The following DNAH7 variants were observed in gnomAD, a reference collection of about 807,000 sequenced individuals.
The protein encoded by DNAH7 is dynein axonemal heavy chain 7, also known as axonemal beta dynein heavy chain 7.
DNAH7 carries 397 observed loss-of-function variants against 444.6 expected under a neutral mutation model. The ratio of observed to expected loss-of-function variants is 0.89; its 90% confidence interval spans 0.82 to 0.97. The LOEUF is 0.97. Ranked by LOEUF, DNAH7 falls within the 50% of genes least tolerant of loss-of-function variation. The pLI is 0.00. For missense variants in DNAH7, 4,902 were observed against 4,800.8 expected, an observed-to-expected ratio of 1.02 and a Z score of -0.62; for synonymous variants, 1,636 against 1,624.4, an observed-to-expected ratio of 1.01 and a Z score of -0.17.
intron 10 of DNAH7, among the ~76,000 whole-genome samples, chr2:196,007,548 G>T (rs1694451899): frequency 6.6e-6 from 1 of 152,120 alleles, no homozygotes; most frequent in Non-Finnish European, 1.5e-5. Flanking sequence ...ATATGGTTTG[G>T]CTGTGTCTCC....
chr2:195,837,006 T>G (rs1698410111), intron 47 of DNAH7, among the ~76,000 whole-genome samples: 2 of 152,240 alleles, frequency 1.3e-5, no homozygotes, highest in South Asian at 4.1e-4. Context: ...TGAACTTCTT[T>G]AGCAATTCAT....
intron 7 of DNAH7, among the ~76,000 whole-genome samples, chr2:196,024,853 C>T (rs1290172179): frequency 6.6e-6 from 1 of 151,764 alleles, no homozygotes; most frequent in African/African-American, 2.4e-5. Flanking sequence ...AGCAGTAGTT[C>T]TATTTCACCG....
chr2:196,007,270 C>A (rs1014904770), intron 10 of DNAH7, among the ~76,000 whole-genome samples: 1 of 152,054 alleles, frequency 6.6e-6, no homozygotes. Flanking sequence ...CAGAAATAAA[C>A]CCTCCCATAT....
intron 54 of DNAH7, among the ~76,000 whole-genome samples, chr2:195,801,634 C>T (rs1696463271): frequency 6.6e-6 from 1 of 152,144 alleles, no homozygotes; most frequent in Admixed American, 6.5e-5. Context: ...CAACTTGAAG[C>T]AAACTGCAGG....
At chr2:196,046,767 C>T (rs77705017) in intron 5 of DNAH7, among the ~76,000 whole-genome samples, 3 of 135,890 alleles carry the variant, frequency 2.2e-5, no homozygotes, top group Non-Finnish European at 4.7e-5. Flanking sequence ...TTACTTACCA[C>T]AATGGGTCAT....
rs780180906 is a variant in DNAH7 at position 195,845,185 on chromosome 2, A to T, written c.8782-20T>A. 1.4e-5 allele frequency: 23 copies of T among 1,592,172 alleles called. No homozygotes were observed. Among genetic ancestry groups the T allele is most frequent in the Non-Finnish European group, 9.4e-6 (11 of 1,169,268 alleles). ...TTGATTCTTTAGAACATCCACAGAA[A>T]GATAAAGAAATGAGACTGGAGGTTA... On this transcript the variant is annotated intron_variant, in intron 46 of 64. Transcript: ENST00000312428.
rs757343402 is a variant in DNAH7 at position 196,038,662 on chromosome 2, A to T, written c.398+8690T>A. 1.5e-3 allele frequency among the ~76,000 whole-genome samples: 222 copies of T among 152,316 alleles called. 2 individuals carry two copies. Among genetic ancestry groups the T allele is most frequent in the Non-Finnish European group, 2.3e-3 (154 of 68,008 alleles). On this transcript the variant is annotated intron_variant, in intron 5 of 64. Coordinates refer to ENST00000312428, the MANE Select transcript of DNAH7 (RefSeq NM_018897.3). ...GATATTCCATGCAAATGGGAACCAA[A>T]AACAGGTTTAGAATTTGCATGGTAT...
At chr2:195,936,325 G>A (rs769580261) in intron 20 of DNAH7, among the ~76,000 whole-genome samples, 139 of 152,228 alleles carry the variant, frequency 9.1e-4, no homozygotes, top group Non-Finnish European at 1.8e-3. Flanking sequence ...AGTGAGCCAA[G>A]GTCGCGCCAT....
At position 195,970,002 on chromosome 2, in the gene DNAH7, C is replaced by T. The variant is rs760736959; in HGVS notation, c.2151G>A (p.Arg717=). The T allele has an allele frequency of 6.2e-7, 1 of 1,612,416 alleles. No homozygotes were observed. The highest frequency in any genetic ancestry group is 1.7e-5 in the Admixed American group (1 of 59,680). ...TCAGTATTTGAGCCTTTTTTAGGTA[C>T]CGCTGAACATCCTGAAGATCTCCAA... The part of the protein sequence containing the change: ...YSFGDLQDVQ[R]YLKKAQILNG... The change falls in exon 17 of 65, where the codon CGG becomes CGA. Residue 717 remains arginine, a synonymous_variant. Transcript: ENST00000312428.
chr2:195,896,309 A>G (rs182129773), intron 29 of DNAH7, among the ~76,000 whole-genome samples: 1 of 150,342 alleles, frequency 6.7e-6, no homozygotes, highest in East Asian at 1.9e-4. Flanking sequence ...CCATATGTTT[A>G]TATTTTTCCT....
chr2:196,005,519 A>G (rs999245330), intron 10 of DNAH7, among the ~76,000 whole-genome samples: 7 of 152,024 alleles, frequency 4.6e-5, no homozygotes, highest in Non-Finnish European at 1.0e-4. Flanking sequence ...ATCAGGAATA[A>G]AAGGGGAGAC....
intron 19 of DNAH7, among the ~76,000 whole-genome samples, chr2:195,945,347 T>C (rs953921237): frequency 3.3e-5 from 5 of 152,182 alleles, no homozygotes; most frequent in South Asian, 2.1e-4. Flanking sequence ...CAACCCATCA[T>C]GGTGGCTCTG....
intron 55 of DNAH7, 43 bp from the exon 56 acceptor site, chr2:195,796,780 T>C (rs559959671): frequency 6.4e-7 from 1 of 1,564,738 alleles, no homozygotes; most frequent in African/African-American, 1.4e-5. Context: ...AATCACATTT[T>C]AAGAAACATC....
chr2:195,825,431 T>G (rs1697693844), intron 48 of DNAH7, among the ~76,000 whole-genome samples: 1 of 152,220 alleles, frequency 6.6e-6, no homozygotes, highest in Non-Finnish European at 1.5e-5. Context: ...GCATAAATGT[T>G]TCCCCATGTT....
chr2:195,901,277 T>C lies in DNAH7; in HGVS notation c.4336-783A>G, dbSNP rs150291589. Reference sequence around the variant, plus strand: ...TCACATTGTACACCTTAAATATGTATTATGTTTGTCAATCATACTTCAATA... The same window carrying C: ...TCACATTGTACACCTTAAATATGTACTATGTTTGTCAATCATACTTCAATA... On this transcript the variant is annotated intron_variant, in intron 27 of 64. Transcript: ENST00000312428. The C allele has an allele frequency of 1.9e-3, 288 of 152,234 alleles. 1 individual carries two copies. The highest frequency in any genetic ancestry group is 6.5e-3 in the African/African-American group (271 of 41,534). The allele number at this position is 152,234 out of a possible 1,614,324, so 9.4% of individuals were successfully genotyped here. A position where few individuals can be genotyped will look rare whatever the true frequency, so the allele number is the denominator to read the frequency against.
intron 19 of DNAH7, among the ~76,000 whole-genome samples, chr2:195,954,492 A>G (rs1253856350): frequency 3.3e-5 from 5 of 152,180 alleles, no homozygotes; most frequent in African/African-American, 1.2e-4. Context: ...AAACATACAT[A>G]TGCATGTGTT....
intron 46 of DNAH7, among the ~76,000 whole-genome samples, chr2:195,849,405 A>G (rs1368615671): frequency 2.0e-5 from 3 of 152,162 alleles, no homozygotes; most frequent in Non-Finnish European, 4.4e-5. Context: ...TACAGATACA[A>G]CACTTGGAGG....
Position 195,948,774 on chromosome 2 carries a change from G to C in DNAH7, c.3078+8487C>G, listed in dbSNP as rs1395756071. 2.0e-5 allele frequency among the ~76,000 whole-genome samples: 3 copies of C among 152,066 alleles called. No homozygotes were observed. In the East Asian group the frequency reaches 5.8e-4, roughly 29 times the overall value. On this transcript the variant is annotated intron_variant, in intron 19 of 64. Transcript: ENST00000312428. ...TGCTTAGGATTGTCTTGGCTATAAG[G>C]GCTCTTTTTTGGTTCCATATGAAAT...
chr2:195,798,634 C>T (rs1381313105), intron 55 of DNAH7, among the ~76,000 whole-genome samples: 2 of 149,928 alleles, frequency 1.3e-5, no homozygotes, highest in Non-Finnish European at 3.0e-5. Context: ...AGCTCAGCCT[C>T]CTGGGTTCAC....
Sources: gnomAD v4.1 joint callset for allele counts (sites outside exome capture counted in the v4.1 genomes callset) on GRCh38, gnomAD v4.1.1 for gene constraint, MANE v1.5 for transcripts, NCBI Gene and HGNC (gene_info 2026-07-23, HGNC 2026-07-21) for gene names.